FAM110B: variants seen among roughly 807,000 people sequenced by gnomAD.
FAM110B encodes the protein protein FAM110B.
FAM110B carries 6 observed loss-of-function variants against 20.4 expected under a neutral mutation model. That is an observed-to-expected ratio of 0.29 (90% CI 0.16 to 0.58). The LOEUF (loss-of-function observed/expected upper bound fraction) is 0.58. FAM110B is among the 20% of genes least tolerant of loss of function. FAM110B has a pLI of 0.90. For missense variants in FAM110B, 434 were observed against 498.2 expected, an observed-to-expected ratio of 0.87 and a Z score of 1.23; for synonymous variants, 226 against 214.1, an observed-to-expected ratio of 1.06 and a Z score of -0.49.
chr8:58,137,587 A>T (rs1803650138), intron 3 of FAM110B, among the ~76,000 whole-genome samples: 1 of 152,040 alleles, frequency 6.6e-6, no homozygotes, highest in African/African-American at 2.4e-5. Flanking sequence ...ACGTTTACTG[A>T]ACAATTTCTG....
intron 1 of FAM110B, among the ~76,000 whole-genome samples, chr8:58,025,615 G>A (rs111456967): frequency 0.028 from 4,266 of 152,248 alleles, 201 homozygotes; most frequent in African/African-American, 0.096. Context: ...TTGCTGAAAG[G>A]CTGGTGTTGG....
At chr8:58,048,292 A>G (rs1435297642) in intron 2 of FAM110B, among the ~76,000 whole-genome samples, 2 of 151,716 alleles carry the variant, frequency 1.3e-5, no homozygotes, top group African/African-American at 2.4e-5. Context: ...GGTGGTCCTG[A>G]TTTTTTTTTA....
chr8:58,138,731 T>C (rs990222543), intron 3 of FAM110B, among the ~76,000 whole-genome samples: 1 of 152,234 alleles, frequency 6.6e-6, no homozygotes, highest in Non-Finnish European at 1.5e-5. Flanking sequence ...GACTTGCCAC[T>C]TGGAGGATCC....
intron 2 of FAM110B, among the ~76,000 whole-genome samples, chr8:58,042,198 G>A (rs1202119125): frequency 6.6e-6 from 1 of 152,142 alleles, no homozygotes; most frequent in East Asian, 1.9e-4. Context: ...TCTAGTGTAT[G>A]GTACTAATTG....
intron 2 of FAM110B, among the ~76,000 whole-genome samples, chr8:58,055,112 G>A (rs769324419): frequency 6.6e-6 from 1 of 152,148 alleles, no homozygotes; most frequent in Non-Finnish European, 1.5e-5. Context: ...GAGAGTTTGG[G>A]TTTTCAGTAG....
At chr8:58,003,751 A>G (rs1318631370) in intron 1 of FAM110B, among the ~76,000 whole-genome samples, 1 of 152,240 alleles carries the variant, frequency 6.6e-6, no homozygotes. Context: ...ATCATACTGT[A>G]AACAGATGTG....
At chr8:58,042,509 C>T (rs1585835975) in intron 2 of FAM110B, among the ~76,000 whole-genome samples, 1 of 152,298 alleles carries the variant, frequency 6.6e-6, no homozygotes, top group South Asian at 2.1e-4. Context: ...CAGTTTTCCC[C>T]AGTGGGATCT....
At chr8:58,046,263 A>G (rs1451407504) in intron 2 of FAM110B, among the ~76,000 whole-genome samples, 1 of 152,200 alleles carries the variant, frequency 6.6e-6, no homozygotes, top group Non-Finnish European at 1.5e-5. Context: ...AATTGTCAAA[A>G]CCAACCATTA....
intron 2 of FAM110B, among the ~76,000 whole-genome samples, chr8:58,073,837 G>C (rs140555676): frequency 7.9e-5 from 12 of 152,306 alleles, no homozygotes; most frequent in African/African-American, 2.9e-4. Context: ...CACCTTGAAG[G>C]CATCTGCTTT....
At chr8:58,026,464 A>G (rs2150571313) in intron 1 of FAM110B, among the ~76,000 whole-genome samples, 1 of 152,096 alleles carries the variant, frequency 6.6e-6, no homozygotes, top group Admixed American at 6.5e-5. Flanking sequence ...AGTACTATGA[A>G]ATTGTTCTAG....
chr8:58,007,578 A>G (rs1440765295), intron 1 of FAM110B, among the ~76,000 whole-genome samples: 1 of 152,164 alleles, frequency 6.6e-6, no homozygotes, highest in Non-Finnish European at 1.5e-5. Flanking sequence ...TTGGCAAGTG[A>G]TTAGATGATG....
intron 1 of FAM110B, among the ~76,000 whole-genome samples, chr8:58,020,661 G>C (rs892854031): frequency 3.3e-5 from 5 of 152,238 alleles, no homozygotes; most frequent in Non-Finnish European, 5.9e-5. Flanking sequence ...CATCATCAGA[G>C]TATATGGGCT....
At chr8:57,995,221 G>A (rs1453212441) in intron 1 of FAM110B, among the ~76,000 whole-genome samples, 1 of 152,192 alleles carries the variant, frequency 6.6e-6, no homozygotes, top group Admixed American at 6.5e-5. Context: ...GTTGCTGCTG[G>A]AGGAGTGGGA....
intron 3 of FAM110B, among the ~76,000 whole-genome samples, chr8:58,133,372 G>A (rs1310418678): frequency 6.6e-6 from 1 of 152,108 alleles, no homozygotes; most frequent in East Asian, 1.9e-4. Flanking sequence ...CTCTACAAGG[G>A]ATTCCAAACT....
chr8:58,093,716 G>A (rs1214957910), intron 3 of FAM110B, among the ~76,000 whole-genome samples: 1 of 152,152 alleles, frequency 6.6e-6, no homozygotes, highest in African/African-American at 2.4e-5. Context: ...GTTTAGAATT[G>A]TCTTGGCTAT....
At chr8:58,028,006 A>G (rs1371922264) in intron 1 of FAM110B, among the ~76,000 whole-genome samples, 1 of 152,248 alleles carries the variant, frequency 6.6e-6, no homozygotes, top group Non-Finnish European at 1.5e-5. Flanking sequence ...GCTTAACTTT[A>G]TAAGCAACTG....
intron 2 of FAM110B, among the ~76,000 whole-genome samples, chr8:58,060,439 C>T (rs1805631899): frequency 1.3e-5 from 2 of 151,918 alleles, no homozygotes; most frequent in Non-Finnish European, 2.9e-5. Flanking sequence ...ACAGAGTGGC[C>T]CAAAACTAAT....
intron 3 of FAM110B, among the ~76,000 whole-genome samples, chr8:58,094,894 G>A (rs1010564323): frequency 2.0e-5 from 3 of 151,872 alleles, no homozygotes; most frequent in Non-Finnish European, 4.4e-5. Context: ...TTTTTTGGTT[G>A]GTAGGCTATT....
At chr8:58,135,412 C>T (rs942676349) in intron 3 of FAM110B, among the ~76,000 whole-genome samples, 2 of 152,132 alleles carry the variant, frequency 1.3e-5, no homozygotes, top group South Asian at 2.1e-4. Flanking sequence ...ATTTTTGTAG[C>T]AATTTATCTA....
Sources: gnomAD v4.1 joint callset for allele counts (sites outside exome capture counted in the v4.1 genomes callset) on GRCh38, gnomAD v4.1.1 for gene constraint, MANE v1.5 for transcripts, NCBI Gene and HGNC (gene_info 2026-07-23, HGNC 2026-07-21) for gene names.